The following SYNRG variants were observed in gnomAD, a reference collection of about 807,000 sequenced individuals.
SYNRG encodes synergin gamma, also known as AP1 gamma subunit binding protein 1.
A neutral mutation model predicts 130.9 loss-of-function variants in SYNRG; 37 were observed. The observed-to-expected ratio is 0.28, with a 90% CI of 0.22 to 0.37. SYNRG has a LOEUF of 0.37. Ranked by LOEUF, SYNRG falls within the 10% of genes least tolerant of loss-of-function variation. The pLI, the probability that SYNRG is intolerant of heterozygous loss-of-function variation, is 1.00. For synonymous variants in SYNRG, 539 were observed against 568.1 expected (o/e 0.95, Z 0.73); for missense variants, 1,338 against 1,588.9 (o/e 0.84, Z 2.68).
In SYNRG at chr17:37,553,687, T is replaced by C; in HGVS notation, c.2036A>G (p.Tyr679Cys). The change falls in exon 14 of 22, where the codon TAT (tyrosine) becomes TGT (cysteine). Residue 679 changes from tyrosine (Y) to cysteine (C), a missense_variant. Physicochemically the swap from Tyr to Cys is radical, Grantham distance 194. Around this residue, in one of 3 missense-constraint regions of SYNRG, gnomAD observed 1,146 missense variants for 1,342.3 expected, o/e 0.85. Coordinates refer to ENST00000612223, the MANE Select transcript of SYNRG (RefSeq NM_007247.6). ...CTCCCCAACAGGTGCTAGACCAGAATATTCCCCAAAAAGGCTGAATTCTCC... is the reference window on the plus strand; with the variant it reads ...CTCCCCAACAGGTGCTAGACCAGAACATTCCCCAAAAAGGCTGAATTCTCC... Reference protein sequence around the residue: ...DFGEFSLFGEYSGLAPVGEQD... With the variant: ...DFGEFSLFGECSGLAPVGEQD... 1.2e-6 allele frequency: 2 copies of C among 1,613,782 alleles called. No individual in the cohort carries two copies. Among genetic ancestry groups the C allele is most frequent in the Non-Finnish European group, 1.7e-6 (2 of 1,179,962 alleles).
rs143892082 is a variant in SYNRG, at chr17:37,600,591, C to A, written c.78-188G>T. 285 of 710,482 alleles carry A rather than the reference C, an allele frequency of 4.0e-4. 3 individuals are homozygous for A. In the East Asian group the frequency reaches 7.7e-3, roughly 19 times the overall value. 44.0% of individuals were successfully genotyped at this position (710,482 alleles called of 1,614,324 possible). ...ATGCATGTCAGCATGCTACTGCAGA[C>A]GGAAACTTGTTGAAACAAAAGACAG... On this transcript the variant is annotated intron_variant, in intron 1 of 21. Coordinates refer to ENST00000612223, the MANE Select transcript of SYNRG (RefSeq NM_007247.6).
Position 37,536,086 on chromosome 17 carries a change from C to G in SYNRG, c.3559G>C (p.Gly1187Arg). 6.2e-7 allele frequency: 1 copy of G among 1,614,036 alleles called. No individual in the cohort carries two copies. Among genetic ancestry groups the G allele is most frequent in the Non-Finnish European group, 8.5e-7 (1 of 1,179,982 alleles). ...VYRVTKRVEL[G>R]IKATAVCSEK... ...CTGCACACTGCAGTGGCTTTTATCC[C>G]CAGCTCCACACGCTTGGTTACCCTG... Residue 1187 changes from glycine to arginine, a missense_variant, in exon 19 of 22, where the codon GGG becomes CGG. By Grantham distance (125) the Gly-to-Arg change is moderately radical (BLOSUM62 -2). Transcript: ENST00000612223.
intron 14 of SYNRG, among the ~76,000 whole-genome samples, chr17:37,544,243 T>A (rs1235362138): frequency 3.3e-5 from 5 of 151,508 alleles, no homozygotes; most frequent in Non-Finnish European, 7.4e-5. Context: ...AATTCTGTGG[T>A]GCAATGGTAC....
rs766258364 is a variant in SYNRG at position 37,540,421 on chromosome 17, C to T, written c.3325G>A (p.Val1109Ile). Reference sequence around the variant, plus strand: ...AGGTCTTTGTACTTGTCTCGGATGACGGGCAGGGCGGGCTTCTCATTCAGA... The same window carrying T: ...AGGTCTTTGTACTTGTCTCGGATGATGGGCAGGGCGGGCTTCTCATTCAGA... The part of the protein sequence containing the change: ...NTLNEKPALP[V>I]IRDKYKDLTG... The change falls in exon 16 of 22, where the codon GTC becomes ATC. Residue 1109 changes from valine (V) to isoleucine (I), a missense_variant. Val to Ile is a conservative substitution (Grantham distance 29). Transcript: ENST00000612223. The T allele has an allele frequency of 1.5e-5, 24 of 1,613,684 alleles. No individual in the cohort carries two copies. The highest frequency in any genetic ancestry group is 1.6e-4 in the Middle Eastern group (1 of 6,072).
At chr17:37,547,530 T>C (rs2058377053) in intron 14 of SYNRG, among the ~76,000 whole-genome samples, 1 of 151,346 alleles carries the variant, frequency 6.6e-6, no homozygotes, top group African/African-American at 2.4e-5. Flanking sequence ...TGGCACAATC[T>C]CAGCTCACTG....
rs1459883339 is a variant in SYNRG, at chr17:37,553,294, A to G, written c.2429T>C (p.Val810Ala). 1 of 1,613,912 alleles carries G rather than the reference A, an allele frequency of 6.2e-7. No individual in the cohort carries two copies. The highest frequency in any genetic ancestry group is 1.3e-5 in the African/African-American group (1 of 74,908). Residue 810 changes from valine (V) to alanine (A), a missense_variant, in exon 14 of 22, where the codon GTG becomes GCG. Around this residue, in one of 3 missense-constraint regions of SYNRG, gnomAD observed 1,146 missense variants for 1,342.3 expected, o/e 0.85. Coordinates refer to ENST00000612223, the MANE Select transcript of SYNRG (RefSeq NM_007247.6). Reference protein sequence around the residue: ...FRHTKEDSASVKSLDLPSIGG... With the variant: ...FRHTKEDSASAKSLDLPSIGG... ...AATGGAAGGGAGATCTAAGGACTTC[A>G]CTGATGCAGAGTCTTCTTTGGTGTG... is the stretch of plus-strand genomic sequence containing the variant.
Position 37,517,881 on chromosome 17 carries a change from T to C in SYNRG, c.*1059A>G, listed in dbSNP as rs1324997608. The C allele has an allele frequency of 6.6e-6, 1 of 152,242 alleles. No homozygotes were observed. The highest frequency in any genetic ancestry group is 1.5e-5 in the Non-Finnish European group (1 of 68,044). The allele number at this position is 152,242 out of a possible 1,614,324, so 9.4% of individuals were successfully genotyped here. The stretch of plus-strand genomic sequence containing the variant: ...ACATTAAATGGCAAAGACAATTCCC[T>C]ACTCCAGGAAGCATGAGCCTTTTCT... On this transcript the variant is annotated 3_prime_UTR_variant, in exon 22 of 22. Coordinates refer to ENST00000612223, the MANE Select transcript of SYNRG (RefSeq NM_007247.6).
chr17:37,599,947 G>A (rs900224588), intron 2 of SYNRG, among the ~76,000 whole-genome samples: 4 of 151,932 alleles, frequency 2.6e-5, no homozygotes, highest in Non-Finnish European at 5.9e-5. Context: ...CAACATGCTG[G>A]GTGCTACAAA....
At chr17:37,519,568 A>G (rs1182844577) in intron 21 of SYNRG, among the ~76,000 whole-genome samples, 1 of 151,964 alleles carries the variant, frequency 6.6e-6, no homozygotes, top group Non-Finnish European at 1.5e-5. Flanking sequence ...ACAGATAACA[A>G]CTCTTAGGGT....
intron 1 of SYNRG, among the ~76,000 whole-genome samples, chr17:37,607,824 G>C (rs1272848709): frequency 6.6e-6 from 1 of 151,802 alleles, no homozygotes; most frequent in Non-Finnish European, 1.5e-5. Context: ...GGGCATGGTG[G>C]CGCGCACCTG....
chr17:37,584,879 G>A (rs1333929625), intron 5 of SYNRG, 120 bp from the exon 6 acceptor site: 3 of 696,824 alleles, frequency 4.3e-6, no homozygotes, highest in African/African-American at 1.8e-5. Context: ...ACATACTTCT[G>A]ATAATGAATT....
chr17:37,517,582 TG>T lies in SYNRG; in HGVS notation c.*1357del, dbSNP rs1421420561. 1 of 152,026 alleles carries T rather than the reference TG, an allele frequency of 6.6e-6. No individual in the cohort carries two copies. The highest frequency in any genetic ancestry group is 2.4e-5 in the African/African-American group (1 of 41,382). 9.4% of individuals were successfully genotyped at this position (152,026 alleles called of 1,614,324 possible). ...CCTTTCTTGGAGAACATGGAAAAGC[TG>T]TAAGATGGAGCAAGACAGAATTTGT... On this transcript the variant is annotated 3_prime_UTR_variant, in exon 22 of 22. Transcript: ENST00000612223.
chr17:37,578,713 C>A (rs926073280), intron 6 of SYNRG, among the ~76,000 whole-genome samples: 1 of 152,224 alleles, frequency 6.6e-6, no homozygotes, highest in African/African-American at 2.4e-5. Flanking sequence ...ATCTAAGGCA[C>A]ACCAAGGACA....
chr17:37,557,157 C>T (rs1313190825), intron 13 of SYNRG: 4 of 152,118 alleles, frequency 2.6e-5, no homozygotes, highest in East Asian at 1.9e-4. Context: ...TTTCCCTCTC[C>T]GTCACTTTTT....
intron 3 of SYNRG, 149 bp downstream of exon 3, chr17:37,596,074 G>T: frequency 2.2e-6 from 2 of 892,974 alleles, no homozygotes; most frequent in Non-Finnish European, 3.3e-6. Flanking sequence ...ACTCTTGGAG[G>T]GTGAACACAT....
At chr17:37,580,753 T>C (rs1030338538) in intron 6 of SYNRG, among the ~76,000 whole-genome samples, 2 of 152,170 alleles carry the variant, frequency 1.3e-5, no homozygotes, top group African/African-American at 4.8e-5. Flanking sequence ...CAGGCTGGTC[T>C]TGAACTCCTG....
intron 19 of SYNRG, among the ~76,000 whole-genome samples, chr17:37,528,550 A>C (rs1215410238): frequency 6.6e-6 from 1 of 152,180 alleles, no homozygotes. Context: ...ATTTACCTGA[A>C]ATGAAGCAAT....
At chr17:37,545,787 C>G (rs572424454) in intron 14 of SYNRG, among the ~76,000 whole-genome samples, 1 of 152,146 alleles carries the variant, frequency 6.6e-6, no homozygotes, top group African/African-American at 2.4e-5. Context: ...TCACTAAAAT[C>G]AAGCCTCAAA....
In SYNRG at chr17:37,577,544, A is replaced by C; in HGVS notation, c.659T>G (p.Leu220Ter). 1 of 1,613,856 alleles carries C rather than the reference A, an allele frequency of 6.2e-7. No individual in the cohort carries two copies. Among genetic ancestry groups the C allele is most frequent in the Non-Finnish European group, 8.5e-7 (1 of 1,179,778 alleles). ...ISTSGQEQIK[L>*]NTSEVGHKAL... ...TTTGTGGCCAACTTCAGAAGTATTT[A>C]ATTTAATTTGTTCCTGCCCAGATGT... Residue 220 changes from leucine to a stop codon, truncating the protein, a stop_gained, in exon 7 of 22, where the codon TTA becomes TGA. Coordinates refer to ENST00000612223, the MANE Select transcript of SYNRG (RefSeq NM_007247.6). LOFTEE classifies it high-confidence loss of function.
Sources: allele counts gnomAD v4.1 joint callset (sites outside exome capture counted in the v4.1 genomes callset), GRCh38; gene constraint gnomAD v4.1.1; regional missense constraint gnomAD v4.1.1; transcripts MANE v1.5; gene names NCBI Gene and HGNC (gene_info 2026-07-23, HGNC 2026-07-21).